The following BRCA1 variants were observed in gnomAD, a reference collection of about 807,000 sequenced individuals.
BRCA1 encodes the protein breast cancer type 1 susceptibility protein.
Under a neutral mutation model 173.7 loss-of-function variants are expected in BRCA1, and 140 were observed. The observed-to-expected ratio is 0.81, with a 90% confidence interval of 0.70 to 0.93. The LOEUF (loss-of-function observed/expected upper bound fraction) is 0.93, where lower values mean the gene tolerates loss of function less well. BRCA1 is among the 40% of genes least tolerant of loss of function. The pLI is 0.00. For missense variants in BRCA1, 1,983 were observed against 2,172.5 expected, an observed-to-expected ratio of 0.91 and a Z score of 1.73; for synonymous variants, 662 against 756.0, an observed-to-expected ratio of 0.88 and a Z score of 2.04.
At chr17:43,068,960 C>T (rs1364622363) in intron 15 of BRCA1, among the ~76,000 whole-genome samples, 1 of 152,194 alleles carries the variant, frequency 6.6e-6, no homozygotes, top group Non-Finnish European at 1.5e-5. Flanking sequence ...GCACAGTTGA[C>T]CTAGCTGGTA....
intron 3 of BRCA1, among the ~76,000 whole-genome samples, chr17:43,109,027 A>T (rs1368549641): frequency 9.5e-6 from 1 of 104,902 alleles, no homozygotes; most frequent in Non-Finnish European, 2.2e-5. Context: ...AAAAACCCCA[A>T]CTATATCTAT....
intron 14 of BRCA1, among the ~76,000 whole-genome samples, chr17:43,073,130 G>C (rs970000574): frequency 6.6e-6 from 1 of 151,908 alleles, no homozygotes; most frequent in Non-Finnish European, 1.5e-5. Flanking sequence ...CCAGGAGTTA[G>C]AGACCAGCCT....
chr17:43,129,801 G>T (rs1191830561), upstream of BRCA1, among the ~76,000 whole-genome samples: 1 of 152,104 alleles, frequency 6.6e-6, no homozygotes, highest in Non-Finnish European at 1.5e-5. Flanking sequence ...TTGGAAAGTG[G>T]TATTTCAGAA....
Position 43,067,643 on chromosome 17 carries a change from A to G in BRCA1, c.5039T>C (p.Ile1680Thr), listed in dbSNP as rs1489545368. The G allele has an allele frequency of 6.2e-7, 1 of 1,613,348 alleles. No individual in the cohort carries two copies. Among genetic ancestry groups the G allele is most frequent in the Non-Finnish European group, 8.5e-7 (1 of 1,179,358 alleles). ...RKHHITLTNLITEETTHVVMK... is the reference protein window; with the variant it reads ...RKHHITLTNLTTEETTHVVMK... ...AACAACATGAGTAGTCTCTTCAGTA[A>G]TTAGATTAGTTAAAGTGATGTGGTG... The change falls in exon 16 of 23, where the codon ATT (isoleucine) becomes ACT (threonine). Residue 1680 changes from isoleucine (I) to threonine (T), a missense_variant. Ile to Thr is a moderately conservative substitution (Grantham distance 89, BLOSUM62 -1). Coordinates refer to ENST00000357654, the MANE Select transcript of BRCA1 (RefSeq NM_007294.4).
chr17:43,105,492 C>G (rs2054722680), intron 4 of BRCA1, among the ~76,000 whole-genome samples: 2 of 152,174 alleles, frequency 1.3e-5, no homozygotes. Flanking sequence ...CATCCCACCT[C>G]AGCCTCCTAG....
At chr17:43,106,018 T>C (rs373413230) in intron 4 of BRCA1, among the ~76,000 whole-genome samples, 2 of 150,932 alleles carry the variant, frequency 1.3e-5, no homozygotes, top group South Asian at 2.1e-4. Flanking sequence ...TCCCAGCTAT[T>C]TGGGAGGCTA....
chr17:43,111,677 C>T (rs2154561168), intron 3 of BRCA1, among the ~76,000 whole-genome samples: 1 of 152,080 alleles, frequency 6.6e-6, no homozygotes, highest in East Asian at 1.9e-4. Context: ...AAAAAATTAG[C>T]TGGGCGTGGT....
intron 1 of BRCA1, among the ~76,000 whole-genome samples, chr17:43,150,633 G>C (rs1442765880): frequency 6.6e-6 from 1 of 151,736 alleles, no homozygotes; most frequent in African/African-American, 2.4e-5. Flanking sequence ...TGGTACCAGG[G>C]ATAAAAGTCC....
At chr17:43,077,677 T>C (rs1359122871) in intron 12 of BRCA1, among the ~76,000 whole-genome samples, 3 of 152,028 alleles carry the variant, frequency 2.0e-5, no homozygotes, top group Non-Finnish European at 4.4e-5. Flanking sequence ...TGTATCACTT[T>C]GTGCCACTGC....
chr17:43,128,049 A>AAAATT (rs1410467036), upstream of BRCA1, among the ~76,000 whole-genome samples: 2 of 149,782 alleles, frequency 1.3e-5, no homozygotes, highest in African/African-American at 5.0e-5. Context: ...AAAAAAAAAA[A>AAAATT]ATGCAGGCTG....
Position 43,063,879 on chromosome 17 carries a change from T to C in BRCA1, c.5147A>G (p.Tyr1716Cys), listed in dbSNP as rs587782456. ...GIAGGKWVVS[Y>C]FWVTQSIKER... Reference sequence around the variant, plus strand: ...AGAAATAGTATTATACTTACAGAAATAGCTAACTACCCATTTTCCTCCCGC... The same window carrying C: ...AGAAATAGTATTATACTTACAGAAACAGCTAACTACCCATTTTCCTCCCGC... The change falls in exon 17 of 23, where the codon TAT becomes TGT. Residue 1716 changes from tyrosine (Y) to cysteine (C), a missense_variant. Tyr to Cys is a radical substitution (Grantham distance 194). Coordinates refer to ENST00000357654, the MANE Select transcript of BRCA1 (RefSeq NM_007294.4). The C allele has an allele frequency of 1.2e-6, 2 of 1,612,778 alleles. No homozygotes were observed. Among genetic ancestry groups the C allele is most frequent in the South Asian group, 1.1e-5 (1 of 91,048 alleles).
chr17:43,130,989 C>T (rs1489844217), intron 1 of BRCA1, among the ~76,000 whole-genome samples: 1 of 152,078 alleles, frequency 6.6e-6, no homozygotes, highest in Non-Finnish European at 1.5e-5. Context: ...ATACTTTTTC[C>T]TGGGTTGTTA....
intron 4 of BRCA1, among the ~76,000 whole-genome samples, chr17:43,106,077 C>T (rs1172066447): frequency 6.6e-6 from 1 of 150,820 alleles, no homozygotes; most frequent in Non-Finnish European, 1.5e-5. Flanking sequence ...CGAGATCACG[C>T]CACTGCACTC....
upstream of BRCA1, chr17:43,125,418 C>T (rs2055839641): frequency 2.6e-6 from 1 of 378,466 alleles, no homozygotes; most frequent in African/African-American, 2.1e-5. Context: ...CCGCGCTTTT[C>T]CGTTGCCACG....
At chr17:43,068,733 T>C (rs1410285456) in intron 15 of BRCA1, among the ~76,000 whole-genome samples, 1 of 152,154 alleles carries the variant, frequency 6.6e-6, no homozygotes, top group African/African-American at 2.4e-5. Flanking sequence ...GCTACAGATA[T>C]ACATGGCTTA....
intron 1 of BRCA1, chr17:43,162,167 T>G (rs1363421376): frequency 4.6e-5 from 7 of 152,224 alleles, no homozygotes; most frequent in Non-Finnish European, 1.0e-4. Context: ...GAAGGTGGAC[T>G]GGATCCTTTT....
chr17:43,148,027 C>T (rs1468190012), intron 1 of BRCA1, among the ~76,000 whole-genome samples: 1 of 152,230 alleles, frequency 6.6e-6, no homozygotes, highest in Non-Finnish European at 1.5e-5. Flanking sequence ...TCACTGGAGC[C>T]AGGATAAGCA....
Position 43,097,926 on chromosome 17 carries a change from G to A in BRCA1, c.548-637C>T, listed in dbSNP as rs1019862580. ...CAGTAAGTGTTATGATAAATAGATG[G>A]TGGTGCCTGGGAGCTCAAAAGATGG... On this transcript the variant is annotated intron_variant, in intron 7 of 22. Coordinates refer to ENST00000357654, the MANE Select transcript of BRCA1 (RefSeq NM_007294.4). Among the ~76,000 whole-genome samples the A allele has an allele frequency of 5.3e-5, 8 of 152,148 alleles. 1 individual carries two copies. The highest frequency in any genetic ancestry group is 1.7e-4 in the African/African-American group (7 of 41,442).
At chr17:43,131,284 T>C (rs2055963035) in intron 1 of BRCA1, 6 of 462,806 alleles carry the variant, frequency 1.3e-5, no homozygotes, top group Non-Finnish European at 2.2e-5. Context: ...AAGTATATTA[T>C]GGTACTTATT....
Sources: allele counts gnomAD v4.1 joint callset (sites outside exome capture counted in the v4.1 genomes callset), GRCh38; gene constraint gnomAD v4.1.1; transcripts MANE v1.5; gene names NCBI Gene and HGNC (gene_info 2026-07-23, HGNC 2026-07-21).